Variants in PEBP1 observed in about 807,000 individuals in gnomAD.
PEBP1 encodes the protein phosphatidylethanolamine binding protein 1.
In PEBP1, 17 loss-of-function variants were observed where a neutral mutation model predicts 22.7. That is an observed-to-expected ratio of 0.75 (90% CI 0.51 to 1.12). PEBP1 has a LOEUF of 1.12. PEBP1 is among the 50% of genes most tolerant of loss of function. The pLI is 0.00. For missense variants in PEBP1, 205 were observed against 243.5 expected, an observed-to-expected ratio of 0.84 and a Z score of 1.05; for synonymous variants, 106 against 104.3, an observed-to-expected ratio of 1.02 and a Z score of -0.10.
chr12:118,140,080 T>G (rs1483807126), intron 3 of PEBP1, among the ~76,000 whole-genome samples: 1 of 152,054 alleles, frequency 6.6e-6, no homozygotes, highest in Non-Finnish European at 1.5e-5. Context: ...ACACATTGTA[T>G]TGTGTAGTAT....
Position 118,145,323 on chromosome 12 carries a change from C to T in PEBP1, c.*520C>T. On this transcript the variant is annotated 3_prime_UTR_variant, in exon 4 of 4. Coordinates refer to ENST00000261313, the MANE Select transcript of PEBP1 (RefSeq NM_002567.4). The stretch of plus-strand genomic sequence containing the variant: ...CCAACACAGTGCATCTCAGATGCCT[C>T]AGTAGGCATCAGTATGTCACTCTGG... The T allele has an allele frequency of 3.7e-6, 1 of 273,954 alleles. No homozygotes were observed. The highest frequency in any genetic ancestry group is 1.0e-4 in the East Asian group (1 of 9,772). The allele number at this position is 273,954 out of a possible 1,614,324, so 17.0% of individuals were successfully genotyped here.
intron 3 of PEBP1, among the ~76,000 whole-genome samples, chr12:118,140,944 C>T (rs888205297): frequency 3.3e-5 from 5 of 152,066 alleles, no homozygotes; most frequent in South Asian, 2.1e-4. Flanking sequence ...ATCCACAGAT[C>T]GGAAGGGTTC....
intron 1 of PEBP1, 68 bp from the exon 2 acceptor site, chr12:118,137,971 G>A (rs1485801487): frequency 2.8e-6 from 3 of 1,058,934 alleles, no homozygotes; most frequent in Non-Finnish European, 4.3e-6. Flanking sequence ...ACAGGCGTGA[G>A]CCACCACACC....
chr12:118,143,589 A>G (rs999831961), intron 3 of PEBP1, among the ~76,000 whole-genome samples: 1 of 152,168 alleles, frequency 6.6e-6, no homozygotes, highest in Non-Finnish European at 1.5e-5. Context: ...AAATATTTAA[A>G]CAACTTTTTA....
In PEBP1 at chr12:118,145,575, C is replaced by G. The variant is rs967615796; in HGVS notation, c.*772C>G. On this transcript the variant is annotated 3_prime_UTR_variant, in exon 4 of 4. Coordinates refer to ENST00000261313, the MANE Select transcript of PEBP1 (RefSeq NM_002567.4). ...GCTTGTAGTTGAATAAAAATAGAAA[C>G]CTGAATGAAGGAACTGAGTCCCCGG... 3 of 154,070 alleles carry G rather than the reference C, an allele frequency of 1.9e-5. No homozygotes were observed. Among genetic ancestry groups the G allele is most frequent in the African/African-American group, 7.2e-5 (3 of 41,380 alleles). 9.5% of individuals were successfully genotyped at this position (154,070 alleles called of 1,614,324 possible).
chr12:118,139,729 G>A (rs967543662), intron 3 of PEBP1, among the ~76,000 whole-genome samples, 178 bp downstream of exon 3: 2 of 152,182 alleles, frequency 1.3e-5, no homozygotes, highest in African/African-American at 2.4e-5. Context: ...CAGGTGGCTA[G>A]AGCCTTGGGT....
chr12:118,142,698 A>C (rs997881990), intron 3 of PEBP1, among the ~76,000 whole-genome samples: 1 of 151,732 alleles, frequency 6.6e-6, no homozygotes. Context: ...GCTGGTCTCA[A>C]ATTCCTGACC....
rs2034146216 is a variant in PEBP1, at chr12:118,145,144, A to G, written c.*341A>G. 2.4e-6 allele frequency: 1 copy of G among 414,266 alleles called. No homozygotes were observed. Among genetic ancestry groups the G allele is most frequent in the South Asian group, 2.3e-5 (1 of 43,936 alleles). The allele number at this position is 414,266 out of a possible 1,614,324, so 25.7% of individuals were successfully genotyped here. On this transcript the variant is annotated 3_prime_UTR_variant, in exon 4 of 4. Transcript: ENST00000261313. The stretch of plus-strand genomic sequence containing the variant: ...CAGGTCTACAGTGATAGAGCAAAGC[A>G]TCAAAGAATCTTTAAGGGAGGTTTA...
rs372914075 is a variant in PEBP1 at position 118,138,163 on chromosome 12, A to G, written c.245+15A>G. The G allele has an allele frequency of 2.0e-6, 3 of 1,520,606 alleles. No individual in the cohort carries two copies. Among genetic ancestry groups the G allele is most frequent in the African/African-American group, 1.4e-5 (1 of 73,210 alleles). 94.2% of individuals were successfully genotyped at this position (1,520,606 alleles called of 1,614,324 possible). The stretch of plus-strand genomic sequence containing the variant: ...CCCAAATACAGGTGAGAGGTGAGAA[A>G]GACGAGAAGAGCAGGTCATGCAGAG... On this transcript the variant is annotated intron_variant, in intron 2 of 3. Transcript: ENST00000261313.
Position 118,145,088 on chromosome 12 carries a change from G to T in PEBP1, c.*285G>T. On this transcript the variant is annotated 3_prime_UTR_variant, in exon 4 of 4. Coordinates refer to ENST00000261313, the MANE Select transcript of PEBP1 (RefSeq NM_002567.4). ...TAATCTGAAAATAGCAACCCAGAAT[G>T]TAAAAAAGAAAAAACTGGGGGGAAA... is the stretch of plus-strand genomic sequence containing the variant. 1 of 1,137,192 alleles carries T rather than the reference G, an allele frequency of 8.8e-7. No individual in the cohort carries two copies. The allele number at this position is 1,137,192 out of a possible 1,614,324, so 70.4% of individuals were successfully genotyped here. A position where few individuals can be genotyped will look rare whatever the true frequency, so the allele number is the denominator to read the frequency against.
chr12:118,144,667 G>A lies in PEBP1; in HGVS notation c.428G>A (p.Gly143Glu). The A allele has an allele frequency of 6.2e-7, 1 of 1,614,148 alleles. No homozygotes were observed. The highest frequency in any genetic ancestry group is 8.5e-7 in the Non-Finnish European group (1 of 1,180,040). The change falls in exon 4 of 4, where the codon GGA becomes GAA. Residue 143 changes from glycine (G) to glutamate (E), a missense_variant. Transcript: ENST00000261313. ...CDEPILSNRSGDHRGKFKVAS... is the reference protein window; with the variant it reads ...CDEPILSNRSEDHRGKFKVAS... ...GAGCCCATCCTCAGCAACCGATCTG[G>A]AGACCACCGTGGCAAATTCAAGGTG...
rs377559254 is a variant in PEBP1 at position 118,138,116 on chromosome 12, G to A, written c.213G>A (p.Pro71=). 5.6e-6 allele frequency: 9 copies of A among 1,613,332 alleles called. No individual in the cohort carries two copies. The highest frequency in any genetic ancestry group is 5.1e-6 in the Non-Finnish European group (6 of 1,179,584). The change falls in exon 2 of 4, where the codon CCG becomes CCA. Residue 71 remains proline, a synonymous_variant. Coordinates refer to ENST00000261313, the MANE Select transcript of PEBP1 (RefSeq NM_002567.4). The part of the protein sequence containing the change: ...GKLYTLVLTD[P]DAPSRKDPKY... Reference sequence around the variant, plus strand: ...TCTACACCTTGGTCCTGACAGACCCGGATGCTCCCAGCAGGAAGGATCCCA... The same window carrying A: ...TCTACACCTTGGTCCTGACAGACCCAGATGCTCCCAGCAGGAAGGATCCCA...
intron 3 of PEBP1, among the ~76,000 whole-genome samples, chr12:118,141,444 G>A (rs2034113467): frequency 6.6e-6 from 1 of 152,116 alleles, no homozygotes; most frequent in Admixed American, 6.6e-5. Flanking sequence ...TCATATAATG[G>A]TATCATGGAC....
chr12:118,136,304 C>G lies in PEBP1; in HGVS notation c.95C>G (p.Ala32Gly). 1.9e-6 allele frequency: 3 copies of G among 1,545,694 alleles called. No individual in the cohort carries two copies. Among genetic ancestry groups the G allele is most frequent in the Non-Finnish European group, 2.6e-6 (3 of 1,146,554 alleles). Residue 32 changes from alanine (A) to glycine (G), a missense_variant, in exon 1 of 4, where the codon GCG (alanine) becomes GGG (glycine). By Grantham distance (60) the Ala-to-Gly change is moderately conservative. Transcript: ENST00000261313. The surrounding 1 kb of genome is among the most constrained non-coding windows in gnomAD (Gnocchi z 5.6). ...QHPLHVTYAG[A>G]AVDELGKVLT... ...CCGCTGCATGTCACCTACGCCGGGG[C>G]GGCGGTGGACGAGCTGGGCAAAGTG...
rs774779919 is a variant in PEBP1 at position 118,144,744 on chromosome 12, T to C, written c.505T>C (p.Tyr169His). 11 of 1,614,154 alleles carry C rather than the reference T, an allele frequency of 6.8e-6. No homozygotes were observed. The highest frequency in any genetic ancestry group is 2.2e-5 in the South Asian group (2 of 91,078). ...CAGGGCCCCGGTGGCTGGCACGTGTTACCAGGCCGAGTGGGATGACTATGT... is the reference window on the plus strand; with the variant it reads ...CAGGGCCCCGGTGGCTGGCACGTGTCACCAGGCCGAGTGGGATGACTATGT... ...ELRAPVAGTC[Y>H]QAEWDDYVPK... The change falls in exon 4 of 4, where the codon TAC becomes CAC. Residue 169 changes from tyrosine to histidine, a missense_variant. Transcript: ENST00000261313.
chr12:118,141,424 A>C (rs961088513), intron 3 of PEBP1, among the ~76,000 whole-genome samples: 1 of 152,004 alleles, frequency 6.6e-6, no homozygotes. Flanking sequence ...CACTTTCGCT[A>C]TTCTTGTGTT....
At chr12:118,140,070 A>G (rs981624708) in intron 3 of PEBP1, among the ~76,000 whole-genome samples, 1 of 152,178 alleles carries the variant, frequency 6.6e-6, no homozygotes, top group Non-Finnish European at 1.5e-5. Context: ...ACACACACAC[A>G]CACATTGTAT....
Position 118,144,925 on chromosome 12 carries a change from G to T in PEBP1, c.*122G>T. On this transcript the variant is annotated 3_prime_UTR_variant, in exon 4 of 4. Coordinates refer to ENST00000261313, the MANE Select transcript of PEBP1 (RefSeq NM_002567.4). The stretch of plus-strand genomic sequence containing the variant: ...CCTTGGCATGGGTGAGACCTGACCA[G>T]TCAGATGGTAGTTGAGGGTGACTTT... The T allele has an allele frequency of 6.4e-7, 1 of 1,560,836 alleles. No individual in the cohort carries two copies. Among genetic ancestry groups the T allele is most frequent in the Non-Finnish European group, 8.6e-7 (1 of 1,159,724 alleles).
chr12:118,143,021 G>T (rs903786134), intron 3 of PEBP1, among the ~76,000 whole-genome samples: 3 of 147,878 alleles, frequency 2.0e-5, no homozygotes, highest in Non-Finnish European at 4.5e-5. Context: ...GCAAATTTTT[G>T]TATTTCTAGT....
Sources: gnomAD v4.1 joint callset for allele counts (sites outside exome capture counted in the v4.1 genomes callset) on GRCh38, gnomAD v4.1.1 for gene constraint, Gnocchi (gnomAD v3.1) non-coding constraint, MANE v1.5 for transcripts, NCBI Gene and HGNC (gene_info 2026-07-23, HGNC 2026-07-21) for gene names.